DPH6: variants seen among roughly 807,000 people sequenced by gnomAD.
DPH6 encodes the protein diphthine--ammonia ligase.
In DPH6, 33 loss-of-function variants were observed where a neutral mutation model predicts 38.2. The ratio of observed to expected loss-of-function variants is 0.86; its 90% CI spans 0.65 to 1.15. The LOEUF is 1.15. DPH6 is among the 50% of genes most tolerant of loss of function. The probability of loss-of-function intolerance (pLI) is 0.00; values close to 1 mark genes in which losing one functional copy is unlikely to be tolerated. For synonymous variants in DPH6, 108 were observed against 103.0 expected (o/e 1.05, Z -0.30); for missense variants, 325 against 320.0 (o/e 1.02, Z -0.12).
At chr15:35,402,290 G>A (rs1322569446) in intron 6 of DPH6, among the ~76,000 whole-genome samples, 1 of 152,064 alleles carries the variant, frequency 6.6e-6, no homozygotes, top group Non-Finnish European at 1.5e-5. Context: ...TTACTGTTGT[G>A]ACCTGAAGTT....
chr15:35,437,303 T>A (rs2053729408), intron 5 of DPH6, among the ~76,000 whole-genome samples: 1 of 152,206 alleles, frequency 6.6e-6, no homozygotes, highest in African/African-American at 2.4e-5. Flanking sequence ...TTGAAAAAAA[T>A]GTCTTCTTTT....
chr15:35,510,657 C>T lies in DPH6; in HGVS notation c.312+27617G>A, dbSNP rs914974437. 2.0e-5 allele frequency among the ~76,000 whole-genome samples: 3 copies of T among 152,248 alleles called. No homozygotes were observed. The East Asian group carries it at 5.8e-4, about 29-fold the overall frequency. On this transcript the variant is annotated intron_variant, in intron 3 of 8. Transcript: ENST00000256538. ...ACTCCCCACTCTTCACCTTGAACTC[C>T]AAAATTCCCAGCAGAAAATTTTTTC... is the stretch of plus-strand genomic sequence containing the variant.
At chr15:35,228,998 A>C (rs935152594) in intron 3 of DPH6, among the ~76,000 whole-genome samples, 4 of 152,018 alleles carry the variant, frequency 2.6e-5, no homozygotes, top group Admixed American at 6.5e-5. Context: ...TGACCTTTGA[A>C]AGTTTGATTA....
chr15:35,198,912 GTCT>G, the DPH6 span, among the ~76,000 whole-genome samples: 5 of 151,660 alleles, frequency 3.3e-5, no homozygotes, highest in East Asian at 1.9e-4. Flanking sequence ...ATAATTTGTT[GTCT>G]TCTTCTTTTT....
intron 3 of DPH6, among the ~76,000 whole-genome samples, chr15:35,320,253 C>CCT (rs2052228144): frequency 6.6e-6 from 1 of 151,794 alleles, no homozygotes; most frequent in Admixed American, 6.6e-5. Context: ...AAGTTTGATG[C>CCT]CTCTCTCTCT....
At chr15:35,263,398 CT>C (rs757916530) in intron 3 of DPH6, among the ~76,000 whole-genome samples, 24,588 of 99,042 alleles carry the variant, frequency 0.25, 2,742 homozygotes, top group African/African-American at 0.36. Flanking sequence ...CATAATTAAT[CT>C]TTTTTTTTTT....
At chr15:35,497,115 T>C (rs1174557686) in intron 3 of DPH6, among the ~76,000 whole-genome samples, 1 of 152,158 alleles carries the variant, frequency 6.6e-6, no homozygotes, top group African/African-American at 2.4e-5. Flanking sequence ...TTGATTAATG[T>C]CTGTAGATAC....
chr15:35,516,913 A>C (rs1184630641), intron 3 of DPH6, among the ~76,000 whole-genome samples: 2 of 152,068 alleles, frequency 1.3e-5, no homozygotes, highest in African/African-American at 4.8e-5. Flanking sequence ...ACTCCTCCCA[A>C]ATTTTGCTTG....
At chr15:35,357,913 T>C (rs1031105813) in intron 3 of DPH6, among the ~76,000 whole-genome samples, 3 of 152,238 alleles carry the variant, frequency 2.0e-5, no homozygotes, top group African/African-American at 7.2e-5. Flanking sequence ...GTGCTTCTTG[T>C]ATTTGGATGT....
chr15:35,380,105 GTACA>G (rs1181746670), intron 7 of DPH6, among the ~76,000 whole-genome samples: 1 of 152,166 alleles, frequency 6.6e-6, no homozygotes, highest in African/African-American at 2.4e-5. Context: ...TGTTTACAAG[GTACA>G]TACCTGCGTG....
Position 35,323,148 on chromosome 15 carries a change from G to A in DPH6, n.200+50373C>T, listed in dbSNP as rs185356125. Among the ~76,000 whole-genome samples the A allele has an allele frequency of 4.0e-4, 61 of 152,240 alleles. No individual in the cohort carries two copies. The East Asian group carries it at 9.2e-3, about 23-fold the overall frequency. On this transcript the variant is annotated intron_variant and non_coding_transcript_variant, in intron 3 of 3. Transcript: ENST00000560386. ...AAATCTTATATAGTGGAGACATAAA[G>A]TAATTAAATTGGATTTTTAAAAACT...
At chr15:35,531,963 C>T (rs1372958948) in intron 3 of DPH6, among the ~76,000 whole-genome samples, 1 of 152,024 alleles carries the variant, frequency 6.6e-6, no homozygotes, top group Non-Finnish European at 1.5e-5. Flanking sequence ...CAATGAGACC[C>T]ACAGTAGAGT....
chr15:35,156,560 T>C, the DPH6 span, among the ~76,000 whole-genome samples: 4 of 152,142 alleles, frequency 2.6e-5, no homozygotes, highest in East Asian at 7.7e-4. Flanking sequence ...TGGAATGGGA[T>C]GGGGCACACT....
chr15:35,468,791 G>A (rs1317367640), intron 3 of DPH6, among the ~76,000 whole-genome samples: 2 of 152,088 alleles, frequency 1.3e-5, no homozygotes, highest in Non-Finnish European at 1.5e-5. Context: ...GCAGAGGCTG[G>A]GCGCGGTGGC....
intron 7 of DPH6, among the ~76,000 whole-genome samples, chr15:35,377,974 A>G (rs2052804184): frequency 6.6e-6 from 1 of 151,798 alleles, no homozygotes; most frequent in African/African-American, 2.4e-5. Context: ...GCCTCAAGTG[A>G]TCTTCTTGCC....
At chr15:35,275,323 T>C (rs1281102640) in intron 3 of DPH6, among the ~76,000 whole-genome samples, 1 of 152,076 alleles carries the variant, frequency 6.6e-6, no homozygotes, top group Non-Finnish European at 1.5e-5. Flanking sequence ...AATGGTAGAC[T>C]GGATAAAGAA....
rs1301564747 is a variant in DPH6, at chr15:35,542,964, AT to A, written c.24-458del. Among the ~76,000 whole-genome samples the A allele has an allele frequency of 2.7e-4, 33 of 123,870 alleles. 4 individuals carry two copies. The highest frequency in any genetic ancestry group is 3.2e-4 in the Non-Finnish European group (19 of 59,692). The allele number at this position is 123,870 out of a possible 152,430, so 81.3% of individuals were successfully genotyped here. ...TTAAGGAATATATATATATATATAT[AT>A]AAAATAATTTCATAGAAATTATTGG... On this transcript the variant is annotated intron_variant, in intron 1 of 8. Coordinates refer to ENST00000256538, the MANE Select transcript of DPH6 (RefSeq NM_080650.4).
At chr15:35,422,437 T>C (rs997066541) in intron 5 of DPH6, among the ~76,000 whole-genome samples, 2 of 151,956 alleles carry the variant, frequency 1.3e-5, no homozygotes, top group Non-Finnish European at 2.9e-5. Context: ...TGAGATATAG[T>C]TGAGAATTAA....
intron 3 of DPH6, among the ~76,000 whole-genome samples, chr15:35,479,176 G>A (rs913448317): frequency 3.9e-5 from 6 of 151,984 alleles, no homozygotes; most frequent in Non-Finnish European, 8.8e-5. Context: ...TTTTCACTGA[G>A]TGCAACTTTT....
Sources: gnomAD v4.1 joint callset for allele counts (sites outside exome capture counted in the v4.1 genomes callset) on GRCh38, gnomAD v4.1.1 for gene constraint, MANE v1.5 for transcripts, NCBI Gene and HGNC (gene_info 2026-07-23, HGNC 2026-07-21) for gene names.